ATP8A1: variants seen among roughly 807,000 people sequenced by gnomAD.
ATP8A1 encodes ATPase phospholipid transporting 8A1, also known as phospholipid-transporting ATPase IA.
A neutral mutation model predicts 177.7 loss-of-function variants in ATP8A1; 90 were observed. The ratio of observed to expected loss-of-function variants is 0.51; its 90% CI spans 0.43 to 0.60. The LOEUF (loss-of-function observed/expected upper bound fraction) is 0.60, where lower values mean the gene tolerates loss of function less well. Ranked by LOEUF, ATP8A1 falls within the 20% of genes least tolerant of loss-of-function variation. The pLI is 0.00. For synonymous variants in ATP8A1, 493 were observed against 485.9 expected, an observed-to-expected ratio of 1.01 and a Z score of -0.19; for missense variants, 1,072 against 1,392.8, an observed-to-expected ratio of 0.77 and a Z score of 3.67.
At chr4:42,518,414 A>G (rs746736053) in intron 22 of ATP8A1, among the ~76,000 whole-genome samples, 36 of 152,150 alleles carry the variant, frequency 2.4e-4, no homozygotes, top group South Asian at 2.1e-4. Flanking sequence ...AATGTAATAC[A>G]TGGTTTTCAA....
intron 30 of ATP8A1, 45 bp from the exon 31 acceptor site, chr4:42,446,689 T>G: frequency 6.5e-7 from 1 of 1,532,716 alleles, no homozygotes; most frequent in Non-Finnish European, 9.0e-7. Flanking sequence ...ATGAGATTCT[T>G]TCAGAATCTT....
intron 1 of ATP8A1, among the ~76,000 whole-genome samples, chr4:42,653,629 CT>C: frequency 6.6e-6 from 1 of 152,356 alleles, no homozygotes; most frequent in South Asian, 2.1e-4. Flanking sequence ...TAAGTTACTA[CT>C]TTTAGGATGT....
intron 8 of ATP8A1, among the ~76,000 whole-genome samples, chr4:42,586,964 C>T (rs1733670223): frequency 6.6e-6 from 1 of 152,198 alleles, no homozygotes; most frequent in South Asian, 2.1e-4. Context: ...GGGCCCCTCA[C>T]ACAGTGGCAG....
intron 5 of ATP8A1, among the ~76,000 whole-genome samples, chr4:42,614,886 C>T (rs1227122174): frequency 6.6e-6 from 1 of 152,166 alleles, no homozygotes; most frequent in Non-Finnish European, 1.5e-5. Flanking sequence ...ATCCAATGTC[C>T]TCCTAAAATT....
intron 16 of ATP8A1, among the ~76,000 whole-genome samples, chr4:42,555,603 C>T (rs1310257521): frequency 6.6e-6 from 1 of 152,080 alleles, no homozygotes; most frequent in African/African-American, 2.4e-5. Flanking sequence ...GGGGGTGGAT[C>T]ACCTGATGTC....
chr4:42,574,541 T>C (rs1330126299), intron 14 of ATP8A1, 78 bp downstream of exon 14: 2 of 1,203,068 alleles, frequency 1.7e-6, no homozygotes, highest in East Asian at 2.4e-5. Flanking sequence ...CCTCCCCTAA[T>C]AAGAACTCCC....
At chr4:42,482,466 A>T (rs1167302366) in intron 25 of ATP8A1, among the ~76,000 whole-genome samples, 1 of 152,150 alleles carries the variant, frequency 6.6e-6, no homozygotes, top group Non-Finnish European at 1.5e-5. Flanking sequence ...AGAAACCAAA[A>T]CCACCAGGAC....
intron 5 of ATP8A1, among the ~76,000 whole-genome samples, chr4:42,612,636 T>C (rs1448605252): frequency 6.6e-6 from 1 of 151,702 alleles, no homozygotes; most frequent in Non-Finnish European, 1.5e-5. Context: ...CCAAACCAGC[T>C]TATATATCTC....
At chr4:42,461,867 G>C (rs1396232700) in intron 27 of ATP8A1, among the ~76,000 whole-genome samples, 1 of 152,180 alleles carries the variant, frequency 6.6e-6, no homozygotes, top group South Asian at 2.1e-4. Flanking sequence ...TAAGATCCAG[G>C]CTGAGGTGGT....
At chr4:42,576,503 A>AAAAAAAAAC (rs1732473984) in intron 12 of ATP8A1, among the ~76,000 whole-genome samples, 1 of 150,430 alleles carries the variant, frequency 6.6e-6, no homozygotes, top group Non-Finnish European at 1.5e-5. Flanking sequence ...AAAAAAAAAA[A>AAAAAAAAAC]AAAGAGCATA....
At chr4:42,545,918 G>C (rs944021581) in intron 19 of ATP8A1, among the ~76,000 whole-genome samples, 3 of 152,152 alleles carry the variant, frequency 2.0e-5, no homozygotes, top group African/African-American at 7.2e-5. Flanking sequence ...AGGTTGCAGT[G>C]AGCTGAGATC....
chr4:42,477,272 A>G (rs1415166502), intron 25 of ATP8A1, among the ~76,000 whole-genome samples: 1 of 152,272 alleles, frequency 6.6e-6, no homozygotes, highest in African/African-American at 2.4e-5. Flanking sequence ...CAGAGAAATT[A>G]AAATCAAAAC....
At chr4:42,636,067 C>G (rs1739305090) in intron 1 of ATP8A1, among the ~76,000 whole-genome samples, 1 of 137,610 alleles carries the variant, frequency 7.3e-6, no homozygotes, top group Non-Finnish European at 1.6e-5. Flanking sequence ...GGAGCAGTCC[C>G]CTAAGACTAT....
At position 42,576,307 on chromosome 4, in the gene ATP8A1, T is replaced by TA. The variant is rs796580538; in HGVS notation, c.1129-609dup. Among the ~76,000 whole-genome samples the TA allele has an allele frequency of 9.9e-4, 147 of 148,860 alleles. 1 individual carries two copies. The highest frequency in any genetic ancestry group is 6.6e-3 in the South Asian group (31 of 4,710). The stretch of plus-strand genomic sequence containing the variant: ...TAACACGGTGAAACCCCGTCTCTAC[T>TA]AAAAAAAAATACAAAAAAATCAGCC... On this transcript the variant is annotated intron_variant, in intron 12 of 36. Transcript: ENST00000381668.
chr4:42,442,070 C>A (rs964116419), intron 33 of ATP8A1, among the ~76,000 whole-genome samples: 1 of 152,174 alleles, frequency 6.6e-6, no homozygotes, highest in Non-Finnish European at 1.5e-5. Flanking sequence ...GGCAAAAAGC[C>A]AGTCAAACTT....
chr4:42,568,396 T>C (rs1469386400), intron 15 of ATP8A1, among the ~76,000 whole-genome samples: 1 of 152,216 alleles, frequency 6.6e-6, no homozygotes, highest in Non-Finnish European at 1.5e-5. Context: ...AAATTCTCAA[T>C]GTTTTCTAAA....
chr4:42,618,133 A>G (rs1737098528), intron 4 of ATP8A1, among the ~76,000 whole-genome samples: 1 of 152,210 alleles, frequency 6.6e-6, no homozygotes, highest in South Asian at 2.1e-4. Context: ...ACTTCAGGAT[A>G]CATAGTATGC....
At chr4:42,423,732 ACTTT>A (rs1313887148) in intron 33 of ATP8A1, 27 bp from the exon 34 acceptor site, 1 of 1,497,392 alleles carries the variant, frequency 6.7e-7, no homozygotes, top group Admixed American at 1.8e-5. Flanking sequence ...AAAAAACATT[ACTTT>A]AAAACCAAAA....
At chr4:42,434,449 TAAATACCTCA>T (rs985394309) in intron 33 of ATP8A1, among the ~76,000 whole-genome samples, 8 of 152,364 alleles carry the variant, frequency 5.3e-5, no homozygotes, top group African/African-American at 1.9e-4. Context: ...AAATGATTTT[TAAATACCTCA>T]AAACTTCAAA....
Sources: gnomAD v4.1 joint callset for allele counts (sites outside exome capture counted in the v4.1 genomes callset) on GRCh38, gnomAD v4.1.1 for gene constraint, MANE v1.5 for transcripts, NCBI Gene and HGNC (gene_info 2026-07-23, HGNC 2026-07-21) for gene names.